Variants in LYPLAL1 observed in about 807,000 individuals in gnomAD.
LYPLAL1 encodes lysophospholipase-like protein 1.
In LYPLAL1, 23 loss-of-function variants were observed where a neutral mutation model predicts 19.7. That is an observed-to-expected ratio of 1.17 (90% CI 0.84 to 1.65). LYPLAL1 has a LOEUF of 1.65. Among genes scored for constraint, LYPLAL1 ranks in the 40% most tolerant of loss-of-function variants. The pLI is 0.00. For synonymous variants in LYPLAL1, 119 were observed against 96.3 expected (o/e 1.24, Z -1.38); for missense variants, 355 against 279.4 (o/e 1.27, Z -1.93).
chr1:219,437,064 T>C, the LYPLAL1 span: 2 of 152,218 alleles, frequency 1.3e-5, no homozygotes, highest in African/African-American at 4.8e-5. Flanking sequence ...ACCTCTAGTG[T>C]ATACAGAGTG....
the LYPLAL1 span, among the ~76,000 whole-genome samples, chr1:219,394,612 T>A: frequency 6.6e-6 from 1 of 152,222 alleles, no homozygotes; most frequent in Non-Finnish European, 1.5e-5. Context: ...GTTTATTTCA[T>A]TTAGTATAAT....
At chr1:219,174,977 G>A in intron 1 of LYPLAL1, 7 of 985,484 alleles carry the variant, frequency 7.1e-6, no homozygotes, top group Non-Finnish European at 8.4e-6. Flanking sequence ...AAGATGAAAA[G>A]CTTGTCAGAC....
chr1:219,347,014 A>G, the LYPLAL1 span, among the ~76,000 whole-genome samples: 2 of 152,218 alleles, frequency 1.3e-5, no homozygotes, highest in Non-Finnish European at 2.9e-5. Flanking sequence ...TAAACCACAC[A>G]AGCACCTCTG....
chr1:219,185,199 A>G (rs74649202), intron 2 of LYPLAL1, among the ~76,000 whole-genome samples: 2,835 of 151,952 alleles, frequency 0.019, 38 homozygotes, highest in South Asian at 0.055. Flanking sequence ...AAAGATGTTC[A>G]TGATATTTCC....
At chr1:219,306,894 TCTC>T in the LYPLAL1 span, among the ~76,000 whole-genome samples, 2 of 141,714 alleles carry the variant, frequency 1.4e-5, no homozygotes, top group Non-Finnish European at 3.2e-5. Context: ...AGAAAGTAAA[TCTC>T]CTATTGGTCC....
the LYPLAL1 span, among the ~76,000 whole-genome samples, chr1:219,322,381 A>G: frequency 6.6e-6 from 1 of 152,194 alleles, no homozygotes. Context: ...GGTGTTTATA[A>G]TAGTCAAAAG....
At chr1:219,226,290 A>G in the LYPLAL1 span, among the ~76,000 whole-genome samples, 1 of 152,088 alleles carries the variant, frequency 6.6e-6, no homozygotes, top group Non-Finnish European at 1.5e-5. Flanking sequence ...ATGTTCTTTT[A>G]TATTTATTTC....
the LYPLAL1 span, among the ~76,000 whole-genome samples, chr1:219,386,274 A>T: frequency 6.6e-6 from 1 of 152,162 alleles, no homozygotes; most frequent in Non-Finnish European, 1.5e-5. Flanking sequence ...TGGCCTTTGG[A>T]TTACTGTAGA....
chr1:219,261,674 A>G, the LYPLAL1 span, among the ~76,000 whole-genome samples: 1 of 152,174 alleles, frequency 6.6e-6, no homozygotes, highest in Non-Finnish European at 1.5e-5. Context: ...ATTTTGTTTG[A>G]GGAGACTGAA....
At chr1:219,291,143 AT>A in the LYPLAL1 span, among the ~76,000 whole-genome samples, 4 of 152,292 alleles carry the variant, frequency 2.6e-5, 1 homozygote, top group South Asian at 8.3e-4. Context: ...AATAACTCTA[AT>A]TATGATGTTT....
the LYPLAL1 span, among the ~76,000 whole-genome samples, chr1:219,325,000 A>G: frequency 6.6e-6 from 1 of 152,182 alleles, no homozygotes; most frequent in Admixed American, 6.5e-5. Flanking sequence ...AAATACACCA[A>G]CCTTCTTAAC....
intron 2 of LYPLAL1, 24 bp from the exon 3 acceptor site, chr1:219,193,058 T>TTTG: frequency 8.4e-7 from 1 of 1,192,528 alleles, no homozygotes; most frequent in Non-Finnish European, 1.1e-6. Flanking sequence ...TCTTTTTTTT[T>TTTG]GGGGGGGGGC....
chr1:219,214,751 C>T (rs1166413188), downstream of LYPLAL1, among the ~76,000 whole-genome samples: 3 of 145,670 alleles, frequency 2.1e-5, no homozygotes, highest in East Asian at 2.0e-4. Flanking sequence ...AGTACAGTGG[C>T]GTGATCTCTG....
intron 3 of LYPLAL1, among the ~76,000 whole-genome samples, chr1:219,193,819 A>C (rs1479377931): frequency 1.3e-5 from 2 of 151,836 alleles, no homozygotes; most frequent in Non-Finnish European, 2.9e-5. Context: ...TCTTTTTCTA[A>C]TACATGCAAA....
At chr1:219,281,177 A>G in the LYPLAL1 span, among the ~76,000 whole-genome samples, 1 of 152,224 alleles carries the variant, frequency 6.6e-6, no homozygotes, top group Non-Finnish European at 1.5e-5. Flanking sequence ...TGGCAGTTTG[A>G]TTCATAGAAC....
At chr1:219,385,014 G>A in the LYPLAL1 span, among the ~76,000 whole-genome samples, 1 of 152,178 alleles carries the variant, frequency 6.6e-6, no homozygotes, top group Non-Finnish European at 1.5e-5. Flanking sequence ...TATATGACTT[G>A]ACTATTGGTG....
chr1:219,393,108 G>T, the LYPLAL1 span, among the ~76,000 whole-genome samples: 16 of 152,246 alleles, frequency 1.1e-4, no homozygotes, highest in South Asian at 2.1e-4. Context: ...AAGCTGTAAG[G>T]GTTGGTTACT....
the LYPLAL1 span, among the ~76,000 whole-genome samples, chr1:219,367,924 G>A: frequency 7.4e-5 from 11 of 147,906 alleles, no homozygotes; most frequent in East Asian, 6.1e-4. Context: ...TAAGAACCTC[G>A]ACTTGATCTA....
the LYPLAL1 span, among the ~76,000 whole-genome samples, chr1:219,254,746 G>A: frequency 2.0e-4 from 31 of 151,846 alleles, no homozygotes; most frequent in Non-Finnish European, 3.8e-4. Flanking sequence ...GCTCAATTAC[G>A]TGTTTTGGGG....
Sources: gnomAD v4.1 joint callset for allele counts (sites outside exome capture counted in the v4.1 genomes callset) on GRCh38, gnomAD v4.1.1 for gene constraint, MANE v1.5 for transcripts, NCBI Gene and HGNC (gene_info 2026-07-23, HGNC 2026-07-21) for gene names.